The following HPSE variants were observed in gnomAD, a reference collection of about 807,000 sequenced individuals.
HPSE encodes endo-glucoronidase.
HPSE carries 48 observed loss-of-function variants against 65.1 expected under a neutral mutation model. The ratio of observed to expected loss-of-function variants is 0.74; its 90% CI spans 0.58 to 0.94. HPSE has a LOEUF of 0.94. HPSE is among the 40% of genes least tolerant of loss of function. The pLI is 0.00. For synonymous variants in HPSE, 243 were observed against 260.0 expected, an observed-to-expected ratio of 0.93 and a Z score of 0.63; for missense variants, 644 against 637.5, an observed-to-expected ratio of 1.01 and a Z score of -0.11.
In HPSE at chr4:83,294,239, T is replaced by G. The variant is rs1216363393; in HGVS notation, c.*1105A>C. 6.6e-6 allele frequency: 1 copy of G among 152,214 alleles called. No homozygotes were observed. The highest frequency in any genetic ancestry group is 1.5e-5 in the Non-Finnish European group (1 of 68,076). The allele number at this position is 152,214 out of a possible 1,614,324, so 9.4% of individuals were successfully genotyped here. ...CCACACCCAGCTAATTTTTGTATTT[T>G]TTAGTAGAGATGGGGTTTCACCATG... On this transcript the variant is annotated 3_prime_UTR_variant, in exon 12 of 12. Coordinates refer to ENST00000311412, the MANE Select transcript of HPSE (RefSeq NM_001098540.3).
At chr4:83,312,059 A>G (rs1023447601) in intron 4 of HPSE, among the ~76,000 whole-genome samples, 5 of 152,178 alleles carry the variant, frequency 3.3e-5, no homozygotes, top group African/African-American at 7.2e-5. Flanking sequence ...GAAGGTTGCA[A>G]TGGGGTTACT....
intron 3 of HPSE, among the ~76,000 whole-genome samples, chr4:83,318,871 A>C (rs1736760798): frequency 2.6e-5 from 4 of 152,182 alleles, no homozygotes; most frequent in Admixed American, 2.6e-4. Flanking sequence ...CAGAGGAAAC[A>C]AAAAGAGAAT....
chr4:83,315,421 C>T (rs776172874), intron 3 of HPSE, among the ~76,000 whole-genome samples: 12 of 152,194 alleles, frequency 7.9e-5, no homozygotes, highest in Non-Finnish European at 1.6e-4. Context: ...CCTCCACCCT[C>T]ATTTTTCTAG....
chr4:83,302,470 C>G (rs945171946), intron 9 of HPSE, among the ~76,000 whole-genome samples: 19 of 150,692 alleles, frequency 1.3e-4, no homozygotes, highest in Non-Finnish European at 2.5e-4. Flanking sequence ...GTGCTTGCTG[C>G]TTTTTATCAC....
chr4:83,310,265 C>T (rs1049045916), intron 5 of HPSE, among the ~76,000 whole-genome samples, 187 bp from the exon 6 acceptor site: 1 of 152,086 alleles, frequency 6.6e-6, no homozygotes, highest in Non-Finnish European at 1.5e-5. Flanking sequence ...ATATTCTGAA[C>T]CCGTCAAAAT....
At position 83,308,963 on chromosome 4, in the gene HPSE, A is replaced by G. The variant is rs375394078; in HGVS notation, c.985-12T>C. On this transcript the variant is annotated splice_polypyrimidine_tract_variant and intron_variant, in intron 7 of 11. Coordinates refer to ENST00000311412, the MANE Select transcript of HPSE (RefSeq NM_001098540.3). Reference sequence around the variant, plus strand: ...GTGCTCTCAACCACCTATAGAACAGAAAAGTATCCATGGTAATTGCAAAAA... The same window carrying G: ...GTGCTCTCAACCACCTATAGAACAGGAAAGTATCCATGGTAATTGCAAAAA... 11 of 1,608,750 alleles carry G rather than the reference A, an allele frequency of 6.8e-6. No homozygotes were observed. Among genetic ancestry groups the G allele is most frequent in the Non-Finnish European group, 9.4e-6 (11 of 1,175,534 alleles).
chr4:83,310,875 A>G lies in HPSE; in HGVS notation c.689T>C (p.Leu230Pro). 6.2e-7 allele frequency: 1 copy of G among 1,613,276 alleles called. No individual in the cohort carries two copies. The highest frequency in any genetic ancestry group is 8.5e-7 in the Non-Finnish European group (1 of 1,179,468). The change falls in exon 5 of 12, where the codon CTT becomes CCT. Residue 230 changes from leucine (L) to proline (P), a missense_variant. Leu to Pro is a moderately conservative substitution (Grantham distance 98). Transcript: ENST00000311412. ...ATTGATGAAAATATCAGCCTTCTTA[A>G]GGAAACTGTTAGGTTCTGAAAGACA... ...WELGNEPNSF[L>P]KKADIFINGS... is the part of the protein sequence containing the mutation.
At chr4:83,320,136 TACA>T (rs1306242167) in intron 2 of HPSE, among the ~76,000 whole-genome samples, 1 of 151,940 alleles carries the variant, frequency 6.6e-6, no homozygotes, top group Non-Finnish European at 1.5e-5. Flanking sequence ...CAATTTGTTT[TACA>T]TGGACTGTAT....
chr4:83,299,080 G>A (rs116748714), intron 11 of HPSE, among the ~76,000 whole-genome samples: 4,355 of 151,912 alleles, frequency 0.029, 119 homozygotes, highest in Non-Finnish European at 0.042. Context: ...GAATGTAATA[G>A]GGGCAGGGCA....
intron 8 of HPSE, 28 bp from the exon 9 acceptor site, chr4:83,306,345 T>C: frequency 7.6e-7 from 1 of 1,311,698 alleles, no homozygotes; most frequent in Non-Finnish European, 1.1e-6. Context: ...CAAGCTTTCT[T>C]GAGGTTTGGA....
chr4:83,297,474 A>G (rs997904897), intron 11 of HPSE, among the ~76,000 whole-genome samples: 3 of 152,154 alleles, frequency 2.0e-5, no homozygotes, highest in Non-Finnish European at 2.9e-5. Context: ...ATGTCTGCAC[A>G]AGATTCCATG....
intron 8 of HPSE, among the ~76,000 whole-genome samples, chr4:83,308,391 G>C (rs888994951): frequency 6.6e-6 from 1 of 151,590 alleles, no homozygotes; most frequent in Admixed American, 6.6e-5. Flanking sequence ...GGGTGACAGA[G>C]GGGAAAAAAA....
intron 3 of HPSE, among the ~76,000 whole-genome samples, chr4:83,317,375 G>T (rs914614572): frequency 1.3e-5 from 2 of 152,212 alleles, no homozygotes; most frequent in African/African-American, 4.8e-5. Context: ...TGAAATATTT[G>T]TCACTACAAT....
chr4:83,299,380 A>G (rs1393081772), intron 11 of HPSE, among the ~76,000 whole-genome samples: 1 of 149,712 alleles, frequency 6.7e-6, no homozygotes, highest in East Asian at 1.9e-4. Flanking sequence ...AAAAAAAAAA[A>G]AAAAAAAAAG....
At chr4:83,307,593 G>T (rs1333706573) in intron 8 of HPSE, among the ~76,000 whole-genome samples, 1 of 152,154 alleles carries the variant, frequency 6.6e-6, no homozygotes. Context: ...AGAAAAAGTG[G>T]CAGTCAGCGG....
chr4:83,330,753 T>G (rs1737329359), intron 1 of HPSE, among the ~76,000 whole-genome samples: 1 of 152,210 alleles, frequency 6.6e-6, no homozygotes, highest in African/African-American at 2.4e-5. Flanking sequence ...CCACTTTTGC[T>G]CTGCAGTATT....
intron 5 of HPSE, 62 bp from the exon 6 acceptor site, chr4:83,310,140 T>A: frequency 2.7e-6 from 3 of 1,131,482 alleles, no homozygotes; most frequent in Non-Finnish European, 4.0e-6. Flanking sequence ...AATATACGCA[T>A]GAGAGTTTTA....
intron 1 of HPSE, among the ~76,000 whole-genome samples, chr4:83,327,298 A>G (rs952096670): frequency 2.0e-5 from 3 of 152,242 alleles, no homozygotes; most frequent in African/African-American, 7.2e-5. Flanking sequence ...CCACTTGGAC[A>G]CTGCCAAGTA....
At chr4:83,323,146 A>G (rs2126195388) in intron 1 of HPSE, among the ~76,000 whole-genome samples, 1 of 152,250 alleles carries the variant, frequency 6.6e-6, no homozygotes, top group East Asian at 1.9e-4. Flanking sequence ...ATCAGCGGTT[A>G]CCAGGGGCTG....
Sources: gnomAD v4.1 joint callset for allele counts (sites outside exome capture counted in the v4.1 genomes callset) on GRCh38, gnomAD v4.1.1 for gene constraint, MANE v1.5 for transcripts, NCBI Gene and HGNC (gene_info 2026-07-23, HGNC 2026-07-21) for gene names.